PPM1H: variants seen among roughly 807,000 people sequenced by gnomAD.
The protein encoded by PPM1H is protein phosphatase, Mg2+/Mn2+ dependent 1H, also known as protein phosphatase 1H.
A neutral mutation model predicts 54.9 loss-of-function variants in PPM1H; 27 were observed. That is an observed-to-expected ratio of 0.49 (90% CI 0.36 to 0.68). The LOEUF (loss-of-function observed/expected upper bound fraction) is 0.68. Ranked by LOEUF, PPM1H falls within the 30% of genes least tolerant of loss-of-function variation. The pLI, the probability that PPM1H is intolerant of heterozygous loss-of-function variation, is 0.00. For synonymous variants in PPM1H, 305 were observed against 270.8 expected, an observed-to-expected ratio of 1.13 and a Z score of -1.24; for missense variants, 596 against 667.8, an observed-to-expected ratio of 0.89 and a Z score of 1.19.
intron 4 of PPM1H, among the ~76,000 whole-genome samples, chr12:62,770,200 TA>T (rs1435072952): frequency 2.0e-5 from 3 of 152,124 alleles, no homozygotes; most frequent in African/African-American, 7.2e-5. Flanking sequence ...ATAAAACACT[TA>T]TTGAGCATTT....
intron 1 of PPM1H, among the ~76,000 whole-genome samples, chr12:62,872,880 C>T (rs901511859): frequency 2.6e-5 from 4 of 152,070 alleles, no homozygotes; most frequent in African/African-American, 9.7e-5. Context: ...TGCATTCTTC[C>T]ACAATTTTGA....
In PPM1H at chr12:62,662,724, T is replaced by A. The variant is rs1338461801; in HGVS notation, c.1397+4454A>T. 3.9e-5 allele frequency among the ~76,000 whole-genome samples: 6 copies of A among 152,160 alleles called. No homozygotes were observed. The East Asian group carries it at 7.7e-4, about 20-fold the overall frequency. Reference sequence around the variant, plus strand: ...CCACGAGACTACCCTGCCTCTCATATACCATTTATAGTTTAAAAATAACAC... The same window carrying A: ...CCACGAGACTACCCTGCCTCTCATAAACCATTTATAGTTTAAAAATAACAC... On this transcript the variant is annotated intron_variant, in intron 9 of 9. Coordinates refer to ENST00000228705, the MANE Select transcript of PPM1H (RefSeq NM_020700.2).
chr12:62,878,648 AAAAAAAAG>A, intron 1 of PPM1H, among the ~76,000 whole-genome samples: 1 of 148,572 alleles, frequency 6.7e-6, no homozygotes, highest in African/African-American at 2.5e-5. Flanking sequence ...AAAAAAAAAA[AAAAAAAAG>A]AGGCCAGGCA....
At chr12:62,666,669 A>G (rs1217538888) in intron 9 of PPM1H, among the ~76,000 whole-genome samples, 1 of 152,152 alleles carries the variant, frequency 6.6e-6, no homozygotes, top group African/African-American at 2.4e-5. Flanking sequence ...TACCACTTGT[A>G]TCTACGTTCA....
In PPM1H at chr12:62,857,606, C is replaced by G. The variant is rs556286135; in HGVS notation, c.246-25327G>C. On this transcript the variant is annotated intron_variant, in intron 1 of 9. Coordinates refer to ENST00000228705, the MANE Select transcript of PPM1H (RefSeq NM_020700.2). The stretch of plus-strand genomic sequence containing the variant: ...AGTCTTCATGATGATGCCTCAGGAA[C>G]AGATTCAGCTGTTTTGGGTCTGGGT... Among the ~76,000 whole-genome samples, 5 of 152,280 alleles carry G rather than the reference C, an allele frequency of 3.3e-5. No individual in the cohort carries two copies. The East Asian group carries it at 9.6e-4, about 29-fold the overall frequency.
intron 5 of PPM1H, among the ~76,000 whole-genome samples, chr12:62,728,604 A>C (rs1453269164): frequency 1.3e-5 from 2 of 152,226 alleles, no homozygotes; most frequent in African/African-American, 4.8e-5. Context: ...TAAGCCTCTC[A>C]CTAGGCAAGA....
chr12:62,823,836 C>G (rs1342710762), intron 2 of PPM1H, among the ~76,000 whole-genome samples: 1 of 152,174 alleles, frequency 6.6e-6, no homozygotes, highest in Non-Finnish European at 1.5e-5. Flanking sequence ...TGAAAACTGG[C>G]ACAAGACAGG....
intron 1 of PPM1H, among the ~76,000 whole-genome samples, chr12:62,851,719 C>T (rs1023363532): frequency 6.6e-6 from 1 of 151,828 alleles, no homozygotes; most frequent in Non-Finnish European, 1.5e-5. Context: ...AACAAACAAA[C>T]AAACAAAAAA....
chr12:62,676,283 A>G (rs1309763437), intron 8 of PPM1H, among the ~76,000 whole-genome samples: 1 of 152,246 alleles, frequency 6.6e-6, no homozygotes, highest in Admixed American at 6.5e-5. Context: ...AGCACAGTGA[A>G]GAACAGCTTA....
chr12:62,804,666 C>CTTTTTTT (rs1162966258), intron 2 of PPM1H, among the ~76,000 whole-genome samples: 4 of 134,280 alleles, frequency 3.0e-5, no homozygotes, highest in African/African-American at 1.2e-4. Flanking sequence ...TGGTTAATTT[C>CTTTTTTT]TTTTTTTTTC....
intron 8 of PPM1H, among the ~76,000 whole-genome samples, chr12:62,668,216 G>A (rs2075931368): frequency 6.6e-6 from 1 of 152,196 alleles, no homozygotes; most frequent in Non-Finnish European, 1.5e-5. Flanking sequence ...TTCAATGTGG[G>A]AGGGGAGGGA....
At chr12:62,763,671 T>C (rs536357252) in intron 4 of PPM1H, among the ~76,000 whole-genome samples, 1 of 152,360 alleles carries the variant, frequency 6.6e-6, no homozygotes, top group African/African-American at 2.4e-5. Context: ...ATTAAACATT[T>C]ACTAGAGGTG....
intron 2 of PPM1H, among the ~76,000 whole-genome samples, chr12:62,802,882 C>T (rs2076779924): frequency 6.6e-6 from 1 of 152,156 alleles, no homozygotes; most frequent in East Asian, 1.9e-4. Flanking sequence ...GGATTACAGG[C>T]GTGAGCCACC....
At chr12:62,922,036 G>C (rs1871816438) in intron 1 of PPM1H, among the ~76,000 whole-genome samples, 1 of 152,172 alleles carries the variant, frequency 6.6e-6, no homozygotes, top group Non-Finnish European at 1.5e-5. Flanking sequence ...AGACATACAG[G>C]CTTTCCAAAA....
chr12:62,842,552 G>A (rs116673440), intron 1 of PPM1H, among the ~76,000 whole-genome samples: 1,550 of 152,250 alleles, frequency 0.01, 23 homozygotes, highest in African/African-American at 0.035. Context: ...ACACCACCTA[G>A]GCTTTCTCCT....
intron 1 of PPM1H, among the ~76,000 whole-genome samples, chr12:62,884,745 T>C (rs1310817240): frequency 6.6e-6 from 1 of 152,168 alleles, no homozygotes; most frequent in Admixed American, 6.5e-5. Flanking sequence ...TTACAACACA[T>C]GTTTATTATC....
intron 1 of PPM1H, among the ~76,000 whole-genome samples, chr12:62,861,917 T>C (rs1292922355): frequency 6.6e-6 from 1 of 152,116 alleles, no homozygotes; most frequent in African/African-American, 2.4e-5. Context: ...TTATGAAAAA[T>C]TTCTAGATTT....
intron 4 of PPM1H, among the ~76,000 whole-genome samples, chr12:62,763,731 C>T (rs2076524309): frequency 6.6e-6 from 1 of 152,184 alleles, no homozygotes; most frequent in Admixed American, 6.5e-5. Flanking sequence ...AATTGTTGAG[C>T]TTAGAAATCT....
intron 8 of PPM1H, among the ~76,000 whole-genome samples, chr12:62,676,153 T>G (rs2075984529): frequency 6.6e-6 from 1 of 152,220 alleles, no homozygotes; most frequent in Non-Finnish European, 1.5e-5. Flanking sequence ...CACCTGGAAC[T>G]GACAGCCTGG....
Sources: allele counts gnomAD v4.1 joint callset (sites outside exome capture counted in the v4.1 genomes callset), GRCh38; gene constraint gnomAD v4.1.1; transcripts MANE v1.5; gene names NCBI Gene and HGNC (gene_info 2026-07-23, HGNC 2026-07-21).